The following ABLIM2 variants were observed in gnomAD, a reference collection of about 807,000 sequenced individuals.
ABLIM2 encodes the protein actin-binding LIM protein 2.
In ABLIM2, 53 loss-of-function variants were observed where a neutral mutation model predicts 97.7. The observed-to-expected ratio is 0.54, with a 90% CI of 0.44 to 0.68. The LOEUF (loss-of-function observed/expected upper bound fraction) is 0.68, where lower values mean the gene tolerates loss of function less well. ABLIM2 is among the 30% of genes least tolerant of loss of function. The pLI, the probability that ABLIM2 is intolerant of heterozygous loss-of-function variation, is 0.00. For synonymous variants in ABLIM2, 361 were observed against 345.8 expected (o/e 1.04, Z -0.49); for missense variants, 835 against 867.2 (o/e 0.96, Z 0.47).
rs1760180794 is a variant in ABLIM2 at position 8,005,058 on chromosome 4, T to C, written c.1618+3001A>G. On this transcript the variant is annotated intron_variant, in intron 16 of 20. Transcript: ENST00000447017. The surrounding 1 kb of genome is among the most constrained non-coding windows in gnomAD (Gnocchi z 4.9). ...GCTCAGTAAGTATCTGGTGGAGGGA[T>C]GGATGAATGACTGAATGATGAACTC... Among the ~76,000 whole-genome samples the C allele has an allele frequency of 1.3e-5, 2 of 152,156 alleles. No individual in the cohort carries two copies. The highest frequency in any genetic ancestry group is 4.1e-4 in the South Asian group (2 of 4,834).
In ABLIM2 at chr4:8,029,704, C is replaced by G; in HGVS notation, c.1120G>C (p.Gly374Arg). ...SPSSTGSVSL[G>R]RYTPTSRSPQ... Reference sequence around the variant, plus strand: ...GACCGTGAGGTCGGAGTGTAGCGCCCGAGGCTAACCGACCCAGTGGAGCTT... The same window carrying G: ...GACCGTGAGGTCGGAGTGTAGCGCCGGAGGCTAACCGACCCAGTGGAGCTT... The change falls in exon 11 of 21, where the codon GGG becomes CGG. Residue 374 changes from glycine to arginine, a missense_variant. Transcript: ENST00000447017. 2 of 1,551,574 alleles carry G rather than the reference C, an allele frequency of 1.3e-6. No homozygotes were observed. The highest frequency in any genetic ancestry group is 8.7e-7 in the Non-Finnish European group (1 of 1,147,522).
chr4:8,070,365 GT>G (rs1396419520), intron 6 of ABLIM2, among the ~76,000 whole-genome samples: 2 of 151,960 alleles, frequency 1.3e-5, no homozygotes, highest in African/African-American at 4.8e-5. Context: ...GCCAGCAGTA[GT>G]TAGCTGTGGG....
intron 3 of ABLIM2, among the ~76,000 whole-genome samples, chr4:8,090,260 C>T (rs1166858163): frequency 1.3e-5 from 2 of 152,304 alleles, no homozygotes; most frequent in African/African-American, 2.4e-5. Flanking sequence ...AGAGTGGGAG[C>T]CCCTCCCCAT....
At chr4:8,091,707 A>T (rs1341771279) in intron 3 of ABLIM2, among the ~76,000 whole-genome samples, 1 of 69,870 alleles carries the variant, frequency 1.4e-5, no homozygotes, top group Non-Finnish European at 2.4e-5. Context: ...TAATATACAT[A>T]ATATAATTAT....
chr4:8,105,670 A>AAGGC (rs1837011347), intron 2 of ABLIM2, among the ~76,000 whole-genome samples: 1 of 152,250 alleles, frequency 6.6e-6, no homozygotes, highest in African/African-American at 2.4e-5. Context: ...GAACCCGCAG[A>AAGGC]AGGCAGGCAG....
rs375384108 is a variant in ABLIM2, at chr4:7,972,414, C to T, written c.1825-5311G>A. Among the ~76,000 whole-genome samples, 40 of 152,336 alleles carry T rather than the reference C, an allele frequency of 2.6e-4. No homozygotes were observed. The East Asian group carries it at 6.2e-3, about 24-fold the overall frequency. The stretch of plus-strand genomic sequence containing the variant: ...TCCTCCTGGAGGCCCTCCTAGATTG[C>T]GCTCACCAAGCAGGCCCTGGGGCTA... On this transcript the variant is annotated intron_variant, in intron 20 of 20. Coordinates refer to ENST00000447017, the MANE Select transcript of ABLIM2 (RefSeq NM_001130083.2).
intron 8 of ABLIM2, among the ~76,000 whole-genome samples, chr4:8,051,459 C>T (rs1795998117): frequency 6.7e-6 from 1 of 148,816 alleles, no homozygotes; most frequent in Non-Finnish European, 1.5e-5. Context: ...TGGGAGGCTG[C>T]GGCTGAAGAA....
intron 10 of ABLIM2, among the ~76,000 whole-genome samples, chr4:8,031,423 G>A (rs1780835603): frequency 6.6e-6 from 1 of 152,210 alleles, no homozygotes; most frequent in Admixed American, 6.5e-5. Flanking sequence ...AAGATGCCCG[G>A]CCCCAGGCCT....
At chr4:8,098,673 G>A (rs1832932285) in intron 2 of ABLIM2, among the ~76,000 whole-genome samples, 3 of 152,162 alleles carry the variant, frequency 2.0e-5, no homozygotes, top group Non-Finnish European at 2.9e-5. Context: ...AGCTCTACCC[G>A]CGTAGTGTGC....
chr4:8,148,024 C>A lies in ABLIM2; in HGVS notation c.10+10656G>T, dbSNP rs916287652. Among the ~76,000 whole-genome samples, 2 of 152,236 alleles carry A rather than the reference C, an allele frequency of 1.3e-5. No homozygotes were observed. The highest frequency in any genetic ancestry group is 4.8e-5 in the African/African-American group (2 of 41,468). On this transcript the variant is annotated intron_variant, in intron 1 of 20. Coordinates refer to ENST00000447017, the MANE Select transcript of ABLIM2 (RefSeq NM_001130083.2). The surrounding 1 kb of genome is among the most constrained non-coding windows in gnomAD (Gnocchi z 6.7). Reference sequence around the variant, plus strand: ...GGCCCAGCTGCAGACCAACCCCAAACTCTGGTGTGGTTCCCTGAGGCCCAG... The same window carrying A: ...GGCCCAGCTGCAGACCAACCCCAAAATCTGGTGTGGTTCCCTGAGGCCCAG...
At chr4:8,016,111 C>G (rs1364389287) in intron 14 of ABLIM2, among the ~76,000 whole-genome samples, 1 of 138,850 alleles carries the variant, frequency 7.2e-6, no homozygotes, top group African/African-American at 2.7e-5. Context: ...GTGGTGCGAT[C>G]TCGGCTCACT....
chr4:8,100,088 G>A (rs1214111068), intron 2 of ABLIM2, among the ~76,000 whole-genome samples: 1 of 152,160 alleles, frequency 6.6e-6, no homozygotes, highest in Non-Finnish European at 1.5e-5. Context: ...GGAGAGGGTG[G>A]CGGCTGGGGG....
chr4:8,020,575 T>C (rs1005735028), intron 12 of ABLIM2: 1 of 553,336 alleles, frequency 1.8e-6, no homozygotes, highest in Non-Finnish European at 3.3e-6. Context: ...GGCGGTGAAC[T>C]AAGAACACCT....
Position 8,054,967 on chromosome 4 carries a change from C to G in ABLIM2, c.764-721G>C, listed in dbSNP as rs1432758491. Among the ~76,000 whole-genome samples, 1 of 152,098 alleles carries G rather than the reference C, an allele frequency of 6.6e-6. No individual in the cohort carries two copies. The highest frequency in any genetic ancestry group is 1.5e-5 in the Non-Finnish European group (1 of 68,018). On this transcript the variant is annotated intron_variant, in intron 7 of 20. Coordinates refer to ENST00000447017, the MANE Select transcript of ABLIM2 (RefSeq NM_001130083.2). This position sits in a 1 kb window ranked among gnomAD's most constrained non-coding sequence, Gnocchi z 4.9. The stretch of plus-strand genomic sequence containing the variant: ...CACTACCATCAACATAACAAGGCCA[C>G]CCGGCACCAAGTGCCCCCAGCATCC...
At chr4:7,974,356 C>G in intron 20 of ABLIM2, among the ~76,000 whole-genome samples, 1 of 150,466 alleles carries the variant, frequency 6.6e-6, no homozygotes, top group Non-Finnish European at 1.5e-5. Flanking sequence ...CCAATCCATC[C>G]ACTCCTCCAT....
intron 20 of ABLIM2, among the ~76,000 whole-genome samples, chr4:7,978,304 AAGG>A (rs1735184934): frequency 6.6e-6 from 1 of 152,172 alleles, no homozygotes; most frequent in Non-Finnish European, 1.5e-5. Flanking sequence ...CCTGAGGAGG[AAGG>A]AGGACTAGGG....
intron 7 of ABLIM2, among the ~76,000 whole-genome samples, chr4:8,056,268 G>A (rs1047123431): frequency 3.3e-5 from 5 of 151,152 alleles, no homozygotes; most frequent in Admixed American, 1.3e-4. Flanking sequence ...AAATGGAAGG[G>A]GTTCAGTGTA....
At chr4:7,980,327 T>C (rs1335117855) in intron 20 of ABLIM2, among the ~76,000 whole-genome samples, 3 of 152,168 alleles carry the variant, frequency 2.0e-5, no homozygotes, top group Non-Finnish European at 4.4e-5. Context: ...CAAATTCCTG[T>C]ATGACTCTAG....
In ABLIM2 at chr4:8,001,438, T is replaced by C. The variant is rs1757131755; in HGVS notation, c.1618+6621A>G. 1.3e-5 allele frequency among the ~76,000 whole-genome samples: 2 copies of C among 152,136 alleles called. No homozygotes were observed. The highest frequency in any genetic ancestry group is 2.9e-5 in the Non-Finnish European group (2 of 68,004). On this transcript the variant is annotated intron_variant, in intron 16 of 20. Transcript: ENST00000447017. This position sits in a 1 kb window ranked among gnomAD's most constrained non-coding sequence, Gnocchi z 4.2. ...CCCCAGGCAACCCAACGGCAGCGGC[T>C]GCTCCCTGGGGCTCCAGAGCCCAGC...
Sources: gnomAD v4.1 joint callset for allele counts (sites outside exome capture counted in the v4.1 genomes callset) on GRCh38, gnomAD v4.1.1 for gene constraint, Gnocchi (gnomAD v3.1) non-coding constraint, MANE v1.5 for transcripts, NCBI Gene and HGNC (gene_info 2026-07-23, HGNC 2026-07-21) for gene names.